ANKRD11: variants seen among roughly 807,000 people sequenced by gnomAD.
ANKRD11 encodes the protein ankyrin repeat domain 11, also known as ankyrin repeat domain-containing protein 11.
In ANKRD11, 17 loss-of-function variants were observed where a neutral mutation model predicts 195.7. The observed-to-expected ratio is 0.09, with a 90% CI of 0.06 to 0.13. ANKRD11 has a LOEUF of 0.13. Ranked by LOEUF, ANKRD11 falls within the 10% of genes least tolerant of loss-of-function variation. The pLI, the probability that ANKRD11 is intolerant of heterozygous loss-of-function variation, is 1.00. For synonymous variants in ANKRD11, 1,953 were observed against 1,528.1 expected (o/e 1.28, Z -6.49); for missense variants, 3,735 against 3,566.1 (o/e 1.05, Z -1.21).
intron 2 of ANKRD11, among the ~76,000 whole-genome samples, chr16:89,417,301 T>C (rs1035730966): frequency 1.3e-5 from 2 of 152,204 alleles, no homozygotes; most frequent in Non-Finnish European, 2.9e-5. Flanking sequence ...AGATTATGTA[T>C]TTTTGGAATG....
At chr16:89,442,856 C>T (rs2043584918) in intron 1 of ANKRD11, among the ~76,000 whole-genome samples, 1 of 152,218 alleles carries the variant, frequency 6.6e-6, no homozygotes, top group Non-Finnish European at 1.5e-5. Flanking sequence ...CAGCACAAGC[C>T]GGCCACCACC....
intron 1 of ANKRD11, among the ~76,000 whole-genome samples, chr16:89,458,657 C>T (rs550317452): frequency 1.3e-5 from 2 of 152,386 alleles, no homozygotes; most frequent in South Asian, 4.1e-4. Flanking sequence ...CATTAATCAT[C>T]TCCAAGGCTG....
At chr16:89,320,199 A>T (rs2037219869) in intron 2 of ANKRD11, 1 of 152,206 alleles carries the variant, frequency 6.6e-6, no homozygotes, top group South Asian at 2.1e-4. Flanking sequence ...CTCTTTAGAC[A>T]GTTCCGCAGC....
At chr16:89,477,470 C>T (rs1467054525) in intron 1 of ANKRD11, among the ~76,000 whole-genome samples, 2 of 152,032 alleles carry the variant, frequency 1.3e-5, no homozygotes, top group Non-Finnish European at 2.9e-5. Flanking sequence ...ATTCTCCTGC[C>T]TCACCCTCCC....
chr16:89,298,378 T>C (rs1174179664), intron 4 of ANKRD11: 1 of 152,332 alleles, frequency 6.6e-6, no homozygotes, highest in African/African-American at 2.4e-5. Context: ...GCCGAATGCA[T>C]GGGCGGTGAG....
chr16:89,336,533 C>T (rs1424814641), intron 2 of ANKRD11, among the ~76,000 whole-genome samples: 1 of 152,176 alleles, frequency 6.6e-6, no homozygotes, highest in Non-Finnish European at 1.5e-5. Flanking sequence ...ATGTCCTCTA[C>T]AATTAAGAGC....
At chr16:89,485,006 A>G (rs1490885014) in intron 1 of ANKRD11, among the ~76,000 whole-genome samples, 1 of 152,174 alleles carries the variant, frequency 6.6e-6, no homozygotes, top group Non-Finnish European at 1.5e-5. Flanking sequence ...AGCTGTCTCA[A>G]CCTTGACCTC....
At chr16:89,354,948 G>A (rs573514670) in intron 2 of ANKRD11, among the ~76,000 whole-genome samples, 1 of 152,270 alleles carries the variant, frequency 6.6e-6, no homozygotes, top group South Asian at 2.1e-4. Flanking sequence ...CAAAGAAAAT[G>A]CCCCCAAAGG....
At chr16:89,322,730 C>T (rs2037405682) in intron 2 of ANKRD11, among the ~76,000 whole-genome samples, 1 of 152,124 alleles carries the variant, frequency 6.6e-6, no homozygotes, top group Non-Finnish European at 1.5e-5. Context: ...TCCTGTGTGG[C>T]ACCAGGGGCT....
In ANKRD11 at chr16:89,280,023, G is replaced by C. The variant is rs1342667775; in HGVS notation, c.6519C>G (p.Val2173=). 3 of 1,612,576 alleles carry C rather than the reference G, an allele frequency of 1.9e-6. No homozygotes were observed. Among genetic ancestry groups the C allele is most frequent in the East Asian group, 4.5e-5 (2 of 44,884 alleles). Residue 2173 remains valine (V), a synonymous_variant, in exon 9 of 13, where the codon GTC becomes GTG. Coordinates refer to ENST00000301030, the MANE Select transcript of ANKRD11 (RefSeq NM_013275.6). ...CGGTGGAAACATCCCCACCGTTTAT[G>C]ACCCCGGGGGCCCCTGGAGGCATCT... ...PEEMPPGAPG[V]INGGDVSTVV... is the part of the protein sequence containing the mutation.
chr16:89,468,436 G>A (rs991972241), intron 1 of ANKRD11, among the ~76,000 whole-genome samples: 1 of 152,192 alleles, frequency 6.6e-6, no homozygotes, highest in Admixed American at 6.5e-5. Context: ...CAGGTGCAAT[G>A]GCTCACACTT....
intron 4 of ANKRD11, among the ~76,000 whole-genome samples, chr16:89,296,129 C>T (rs1263033445): frequency 6.6e-6 from 1 of 151,814 alleles, no homozygotes; most frequent in Non-Finnish European, 1.5e-5. Context: ...GCTGGGACCA[C>T]AGGTGGGTGT....
chr16:89,337,429 C>CTTTTTTTTTTTTTTTTTT lies in ANKRD11; in HGVS notation c.-59-20369_-59-20352dup, dbSNP rs1165680827. On this transcript the variant is annotated intron_variant, in intron 2 of 12. Coordinates refer to ENST00000301030, the MANE Select transcript of ANKRD11 (RefSeq NM_013275.6). Reference sequence around the variant, plus strand: ...ATACATGAACATGGTCTAAGCAATTCTTTTTTTTTTTTTTTTTTTTTTTTT... The same window carrying CTTTTTTTTTTTTTTTTTT: ...ATACATGAACATGGTCTAAGCAATTCTTTTTTTTTTTTTTTTTTTTTTTTTTTTTTTTTTTTTTTTTTT... Among the ~76,000 whole-genome samples, 8 of 53,134 alleles carry CTTTTTTTTTTTTTTTTTT rather than the reference C, an allele frequency of 1.5e-4. 2 individuals are homozygous for CTTTTTTTTTTTTTTTTTT. Among genetic ancestry groups the CTTTTTTTTTTTTTTTTTT allele is most frequent in the Non-Finnish European group, 2.5e-4 (8 of 31,398 alleles). 34.9% of individuals were successfully genotyped at this position (53,134 alleles called of 152,430 possible).
chr16:89,478,755 A>G (rs1001767081), intron 1 of ANKRD11, among the ~76,000 whole-genome samples: 1 of 152,198 alleles, frequency 6.6e-6, no homozygotes, highest in Non-Finnish European at 1.5e-5. Flanking sequence ...GACTTTCCAC[A>G]ATTCTTGAGG....
intron 1 of ANKRD11, among the ~76,000 whole-genome samples, chr16:89,470,599 A>G (rs892682629): frequency 3.3e-5 from 5 of 152,188 alleles, no homozygotes; most frequent in African/African-American, 1.2e-4. Flanking sequence ...TAATCCCAGC[A>G]CTTTGGGAGG....
intron 1 of ANKRD11, among the ~76,000 whole-genome samples, chr16:89,421,211 CGGTGTGTG>C (rs1218139752): frequency 1.6e-5 from 1 of 64,002 alleles, no homozygotes; most frequent in Admixed American, 1.5e-4. Flanking sequence ...CACGAAGGGT[CGGTGTGTG>C]ATGACGGAGT....
Position 89,280,016 on chromosome 16 carries a change from CGTTTATGACCCCGGGGGCCCCTGG to C in ANKRD11, c.6502_6525del (p.Pro2168_Asn2175del). 6.2e-7 allele frequency: 1 copy of C among 1,612,626 alleles called. No homozygotes were observed. The highest frequency in any genetic ancestry group is 8.5e-7 in the Non-Finnish European group (1 of 1,179,936). ...GCCACTACGGTGGAAACATCCCCACCGTTTATGACCCCGGGGGCCCCTGGAGGCATCTCTTCTGGAGGAGCAAGA... is the reference window on the plus strand; with the variant it reads ...GCCACTACGGTGGAAACATCCCCACCAGGCATCTCTTCTGGAGGAGCAAGA... On this transcript the variant is annotated inframe_deletion, in exon 9 of 13. Transcript: ENST00000301030.
chr16:89,322,334 G>A (rs936663720), intron 2 of ANKRD11, among the ~76,000 whole-genome samples: 1 of 152,240 alleles, frequency 6.6e-6, no homozygotes, highest in African/African-American at 2.4e-5. Context: ...TATGTTGATA[G>A]AACAGGCCTT....
chr16:89,440,850 T>C (rs2043421549), intron 1 of ANKRD11, among the ~76,000 whole-genome samples: 1 of 152,304 alleles, frequency 6.6e-6, no homozygotes, highest in African/African-American at 2.4e-5. Flanking sequence ...TGTGGCTGTG[T>C]GGCAATGCGT....
Sources: gnomAD v4.1 joint callset for allele counts (sites outside exome capture counted in the v4.1 genomes callset) on GRCh38, gnomAD v4.1.1 for gene constraint, MANE v1.5 for transcripts, NCBI Gene and HGNC (gene_info 2026-07-23, HGNC 2026-07-21) for gene names.